GFAP: variants seen among roughly 807,000 people sequenced by gnomAD.
GFAP encodes the protein intermediate filament protein.
A neutral mutation model predicts 49.3 loss-of-function variants in GFAP; 38 were observed. The ratio of observed to expected loss-of-function variants is 0.77; its 90% confidence interval spans 0.60 to 1.01. The LOEUF (loss-of-function observed/expected upper bound fraction) is 1.01. Ranked by LOEUF, GFAP falls within the 50% of genes least tolerant of loss-of-function variation. GFAP has a pLI of 0.00. For synonymous variants in GFAP, 222 were observed against 236.4 expected (o/e 0.94, Z 0.56); for missense variants, 463 against 579.1 (o/e 0.80, Z 2.06).
At chr17:44,913,654 TTCTCTG>T (rs749182903) in intron 3 of GFAP, 68 bp downstream of exon 3, 3 of 1,212,030 alleles carry the variant, frequency 2.5e-6, no homozygotes, top group South Asian at 1.2e-5. Context: ...CAGTCTCAGC[TTCTCTG>T]TCTCTGTCTC....
chr17:44,914,002 C>T (rs760384361), intron 2 of GFAP, 26 bp downstream of exon 2: 1 of 1,506,152 alleles, frequency 6.6e-7, no homozygotes, highest in Non-Finnish European at 9.1e-7. Context: ...CCTCCCTCCC[C>T]TGCCCCTCCC....
rs2051892058 is a variant in GFAP, at chr17:44,915,449, G to A, written c.38C>T (p.Ser13Phe). 6.2e-7 allele frequency: 1 copy of A among 1,606,448 alleles called. No individual in the cohort carries two copies. Among genetic ancestry groups the A allele is most frequent in the Non-Finnish European group, 8.5e-7 (1 of 1,177,080 alleles). ...RRRITSAARR[S>F]YVSSGEMMVG... ...CATCATCTCCCCTGAGGAGACGTAGGAGCGGCGAGCAGCGGAGGTGATGCG... is the reference window on the plus strand; with the variant it reads ...CATCATCTCCCCTGAGGAGACGTAGAAGCGGCGAGCAGCGGAGGTGATGCG... The change falls in exon 1 of 9, where the codon TCC (serine) becomes TTC (phenylalanine). Residue 13 changes from serine to phenylalanine, a missense_variant. Physicochemically the swap from Ser to Phe is radical, Grantham distance 155. This residue lies in a region of GFAP where 89 missense variants were observed against 87.5 expected (regional missense o/e 1.02). Coordinates refer to ENST00000588735, the MANE Select transcript of GFAP (RefSeq NM_002055.5). The surrounding 1 kb of genome is among the most constrained non-coding windows in gnomAD (Gnocchi z 4.1).
Position 44,915,309 on chromosome 17 carries a change from C to T in GFAP, c.178G>A (p.Ala60Thr). The T allele has an allele frequency of 6.2e-7, 1 of 1,613,964 alleles. No individual in the cohort carries two copies. Among genetic ancestry groups the T allele is most frequent in the Non-Finnish European group, 8.5e-7 (1 of 1,179,914 alleles). The stretch of plus-strand genomic sequence containing the variant: ...CTGGCCCGGGTCTCCTTGAAGCCAG[C>T]ATTGAGTGCCCCAGCCAGGGAGAAA... ...VDFSLAGALN[A>T]GFKETRASER... is the part of the protein sequence containing the mutation. The change falls in exon 1 of 9, where the codon GCT (alanine) becomes ACT (threonine). Residue 60 changes from alanine to threonine, a missense_variant. Ala to Thr is a moderately conservative substitution (Grantham distance 58). Transcript: ENST00000588735. This position sits in a 1 kb window ranked among gnomAD's most constrained non-coding sequence, Gnocchi z 4.1.
Position 44,913,754 on chromosome 17 carries a change from G to A in GFAP, c.592C>T (p.Arg198Trp). ...TCCTCGTGGATCTTCCTCAAGAACC[G>A]GATCTCCTCCTCCAGCGACTCAATC... ...RKIESLEEEI[R>W]FLRKIHEEEV... Residue 198 changes from arginine to tryptophan, a missense_variant, in exon 3 of 9, where the codon CGG (arginine) becomes TGG (tryptophan). Transcript: ENST00000588735. 6.2e-7 allele frequency: 1 copy of A among 1,613,836 alleles called. No individual in the cohort carries two copies. Among genetic ancestry groups the A allele is most frequent in the Non-Finnish European group, 8.5e-7 (1 of 1,179,798 alleles).
In GFAP at chr17:44,911,474, C is replaced by T. The variant is rs745979807; in HGVS notation, c.907-18G>A. ...GACTCGTTCTGTGGGATGGAGCCGG[C>T]CGGTCCCGCGGAGCCCCGACCCGAC... On this transcript the variant is annotated intron_variant, in intron 5 of 8. Transcript: ENST00000588735. 5.0e-6 allele frequency: 8 copies of T among 1,588,636 alleles called. No individual in the cohort carries two copies. The highest frequency in any genetic ancestry group is 6.8e-6 in the Non-Finnish European group (8 of 1,168,204).
intron 7 of GFAP, chr17:44,910,057 A>C: frequency 6.2e-7 from 1 of 1,608,998 alleles, no homozygotes; most frequent in Non-Finnish European, 8.5e-7. Flanking sequence ...GAGGGAACTC[A>C]GGGGGATTGG....
chr17:44,904,632 G>A lies in GFAP; in HGVS notation c.*2715C>T. 2 of 1,550,574 alleles carry A rather than the reference G, an allele frequency of 1.3e-6. No homozygotes were observed. Among genetic ancestry groups the A allele is most frequent in the Non-Finnish European group, 1.7e-6 (2 of 1,147,000 alleles). ...GTGTCCAAAGTGGGCAGCCGGCCCT[G>A]GGTGCCCCAGGTGCCCATTCAGTTC... is the stretch of plus-strand genomic sequence containing the variant. On this transcript the variant is annotated 3_prime_UTR_variant, in exon 9 of 9. Transcript: ENST00000588735.
In GFAP at chr17:44,906,981, A is replaced by T. The variant is rs890328964; in HGVS notation, c.*366T>A. 1 of 345,386 alleles carries T rather than the reference A, an allele frequency of 2.9e-6. No homozygotes were observed. The highest frequency in any genetic ancestry group is 5.6e-6 in the Non-Finnish European group (1 of 179,438). The allele number at this position is 345,386 out of a possible 1,614,324, so 21.4% of individuals were successfully genotyped here. ...CGAGAGAACCTCCATCTCTGGCAAC[A>T]GTTTCCATAACAACAGGAATCAGGG... On this transcript the variant is annotated 3_prime_UTR_variant, in exon 9 of 9. Coordinates refer to ENST00000588735, the MANE Select transcript of GFAP (RefSeq NM_002055.5).
intron 8 of GFAP, chr17:44,907,744 T>C (rs1399839152): frequency 7.3e-6 from 4 of 549,332 alleles, no homozygotes; most frequent in Non-Finnish European, 6.6e-6. Flanking sequence ...CTGCTAGAGT[T>C]GGAAGTGAAA....
intron 6 of GFAP, chr17:44,910,955 C>T (rs1013256513): frequency 8.8e-5 from 53 of 603,474 alleles, no homozygotes; most frequent in Non-Finnish European, 1.1e-4. Flanking sequence ...GTGAGGAGTC[C>T]AATCTTGGCT....
chr17:44,913,547 G>T, intron 3 of GFAP, 117 bp from the exon 4 acceptor site: 1 of 1,139,300 alleles, frequency 8.8e-7, no homozygotes, highest in Non-Finnish European at 1.3e-6. Flanking sequence ...ATGCTCTCTT[G>T]TCTCTTTCCG....
At position 44,903,992 on chromosome 17, in the gene GFAP, T is replaced by C; in HGVS notation, c.*3355A>G. 10 of 1,550,632 alleles carry C rather than the reference T, an allele frequency of 6.4e-6. No individual in the cohort carries two copies. Among genetic ancestry groups the C allele is most frequent in the Non-Finnish European group, 8.7e-6 (10 of 1,147,008 alleles). On this transcript the variant is annotated 3_prime_UTR_variant, in exon 9 of 9. Transcript: ENST00000588735. ...CATGAGCTTTGAGCTTCCCTGTCAC[T>C]GCAAACCCGAAGAGGTGCCAGCTGT...
At chr17:44,908,671 A>C (rs2051692599) in intron 7 of GFAP, 1 of 152,466 alleles carries the variant, frequency 6.6e-6, no homozygotes, top group Non-Finnish European at 1.5e-5. Context: ...GACCAGCCTG[A>C]CTAATATGGT....
Position 44,908,321 on chromosome 17 carries a change from A to G in GFAP, c.1172-172T>C, listed in dbSNP as rs2051686633. The G allele has an allele frequency of 7.5e-6, 3 of 399,166 alleles. No homozygotes were observed. The South Asian group carries it at 8.9e-5, about 12-fold the overall frequency. 24.7% of individuals were successfully genotyped at this position (399,166 alleles called of 1,614,324 possible). ...ACGGGCTGGAGAGCCCCCAAATCCC[A>G]ATAGTGCTGCTGCCAGAGTCCTGGC... On this transcript the variant is annotated intron_variant, in intron 7 of 8. Coordinates refer to ENST00000588735, the MANE Select transcript of GFAP (RefSeq NM_002055.5).
rs772792673 is a variant in GFAP, at chr17:44,904,866, G to A, written c.*2481C>T. On this transcript the variant is annotated 3_prime_UTR_variant, in exon 9 of 9. Transcript: ENST00000588735. The stretch of plus-strand genomic sequence containing the variant: ...GATGACCGGGGCATCTACTATTGCT[G>A]GAGGCAGGGTGTGCTAGTTGCTGGC... 52 of 1,550,534 alleles carry A rather than the reference G, an allele frequency of 3.4e-5. No individual in the cohort carries two copies. The highest frequency in any genetic ancestry group is 4.1e-5 in the Non-Finnish European group (47 of 1,146,986).
At position 44,904,355 on chromosome 17, in the gene GFAP, A is replaced by G. The variant is rs1169543277; in HGVS notation, c.*2992T>C. ...TGTCTTCACCACCTTCTGGGAATGG[A>G]CCCCCTGTGACCGCTGCGGAGTGCG... On this transcript the variant is annotated 3_prime_UTR_variant, in exon 9 of 9. Coordinates refer to ENST00000588735, the MANE Select transcript of GFAP (RefSeq NM_002055.5). 6.5e-7 allele frequency: 1 copy of G among 1,542,298 alleles called. No individual in the cohort carries two copies. Among genetic ancestry groups the G allele is most frequent in the South Asian group, 1.2e-5 (1 of 83,364 alleles).
At chr17:44,910,446 T>C in intron 7 of GFAP, 169 bp downstream of exon 7, 1 of 1,570,096 alleles carries the variant, frequency 6.4e-7, no homozygotes. Flanking sequence ...CACCTAGAAG[T>C]ACCCTGGTAT....
At chr17:44,908,334 C>CTCTGTCCAGT in intron 7 of GFAP, 185 bp from the exon 8 acceptor site, 1 of 565,490 alleles carries the variant, frequency 1.8e-6, no homozygotes, top group Non-Finnish European at 3.2e-6. Flanking sequence ...AGTGCTGCTG[C>CTCTGTCCAGT]CAGAGTCCTG....
Position 44,903,845 on chromosome 17 carries a change from A to T in GFAP, c.*3502T>A. 6.5e-7 allele frequency: 1 copy of T among 1,547,042 alleles called. No homozygotes were observed. Among genetic ancestry groups the T allele is most frequent in the Non-Finnish European group, 8.7e-7 (1 of 1,145,654 alleles). ...TCCTTCAGGTATGCACCTGGCCCTC[A>T]CCACTGTGCTCCTGTGGGCATGGGG... On this transcript the variant is annotated 3_prime_UTR_variant, in exon 9 of 9. Coordinates refer to ENST00000588735, the MANE Select transcript of GFAP (RefSeq NM_002055.5).
Sources: gnomAD v4.1 joint callset for allele counts on GRCh38, gnomAD v4.1.1 for gene constraint, gnomAD v4.1.1 regional missense constraint, Gnocchi (gnomAD v3.1) non-coding constraint, MANE v1.5 for transcripts, NCBI Gene and HGNC (gene_info 2026-07-23, HGNC 2026-07-21) for gene names.